Variants in DLG2 observed in about 807,000 individuals in gnomAD.
The protein encoded by DLG2 is discs large MAGUK scaffold protein 2, also known as disks large homolog 2.
A neutral mutation model predicts 132.5 loss-of-function variants in DLG2; 45 were observed. The ratio of observed to expected loss-of-function variants is 0.34; its 90% CI spans 0.27 to 0.44. DLG2 has a LOEUF of 0.44. Ranked by LOEUF, DLG2 falls within the 20% of genes least tolerant of loss-of-function variation. The probability of loss-of-function intolerance (pLI) is 1.00; values close to 1 mark genes in which losing one functional copy is unlikely to be tolerated. For missense variants in DLG2, 1,045 were observed against 1,196.9 expected, an observed-to-expected ratio of 0.87 and a Z score of 1.87; for synonymous variants, 424 against 419.6, an observed-to-expected ratio of 1.01 and a Z score of -0.13.
intron 6 of DLG2, among the ~76,000 whole-genome samples, chr11:84,659,119 T>A (rs534904507): frequency 6.6e-6 from 1 of 152,290 alleles, no homozygotes; most frequent in East Asian, 1.9e-4. Flanking sequence ...GAAAGGAACT[T>A]CTTTCTTTTT....
chr11:85,436,655 G>A (rs924111402), intron 3 of DLG2, among the ~76,000 whole-genome samples: 2 of 151,894 alleles, frequency 1.3e-5, no homozygotes, highest in Non-Finnish European at 2.9e-5. Flanking sequence ...AGGAAACAAC[G>A]GATAATGGTG....
intron 7 of DLG2, among the ~76,000 whole-genome samples, chr11:84,391,553 T>C (rs1042667173): frequency 1.3e-5 from 2 of 152,066 alleles, no homozygotes; most frequent in Non-Finnish European, 2.9e-5. Flanking sequence ...CATAACCTAA[T>C]GAACAATGAA....
chr11:83,855,134 G>A (rs1466240484), intron 16 of DLG2, among the ~76,000 whole-genome samples: 3 of 151,978 alleles, frequency 2.0e-5, no homozygotes, highest in African/African-American at 4.8e-5. Flanking sequence ...ACCACTACAC[G>A]CCCATTGAAA....
intron 19 of DLG2, among the ~76,000 whole-genome samples, chr11:83,588,961 G>A (rs1224891324): frequency 7.4e-5 from 11 of 147,856 alleles, no homozygotes; most frequent in South Asian, 2.2e-4. Flanking sequence ...AAAGAAATGA[G>A]CAAAGCCTCC....
chr11:84,126,772 T>C (rs185423038), intron 9 of DLG2, among the ~76,000 whole-genome samples: 1 of 152,342 alleles, frequency 6.6e-6, no homozygotes, highest in East Asian at 1.9e-4. Context: ...AATTTACAAT[T>C]ATTTTATAAA....
chr11:85,182,305 C>T (rs1056296160), intron 4 of DLG2, among the ~76,000 whole-genome samples: 3 of 151,814 alleles, frequency 2.0e-5, no homozygotes, highest in Admixed American at 6.6e-5. Flanking sequence ...ACCAAGTTGT[C>T]CTTGTGTTCT....
At chr11:84,789,790 A>G (rs1010475456) in intron 6 of DLG2, among the ~76,000 whole-genome samples, 9 of 152,112 alleles carry the variant, frequency 5.9e-5, no homozygotes, top group Non-Finnish European at 1.2e-4. Context: ...CAGTAAGTTC[A>G]ATTGTTTTAA....
intron 16 of DLG2, among the ~76,000 whole-genome samples, chr11:83,863,977 A>G (rs995100879): frequency 6.6e-6 from 1 of 152,202 alleles, no homozygotes; most frequent in African/African-American, 2.4e-5. Context: ...GTTCATAATT[A>G]ATGCTTGACC....
intron 6 of DLG2, among the ~76,000 whole-genome samples, chr11:84,802,727 T>C (rs559073254): frequency 1.3e-5 from 2 of 151,236 alleles, no homozygotes; most frequent in African/African-American, 4.9e-5. Context: ...AGCAGAGGAA[T>C]TGTTCTGTGT....
At chr11:84,835,766 A>G (rs2079673984) in intron 6 of DLG2, among the ~76,000 whole-genome samples, 1 of 151,786 alleles carries the variant, frequency 6.6e-6, no homozygotes, top group Admixed American at 6.6e-5. Flanking sequence ...AAAGGCTATT[A>G]TATTAAATAT....
intron 9 of DLG2, among the ~76,000 whole-genome samples, chr11:84,125,291 T>G (rs1472897271): frequency 6.6e-6 from 1 of 152,112 alleles, no homozygotes; most frequent in Non-Finnish European, 1.5e-5. Flanking sequence ...ATACTACAAA[T>G]CCAACCTCAC....
intron 2 of DLG2, among the ~76,000 whole-genome samples, chr11:85,601,345 CT>C (rs113469585): frequency 9.9e-4 from 144 of 144,796 alleles, no homozygotes; most frequent in Middle Eastern, 3.5e-3. Flanking sequence ...TTGAGTTTAA[CT>C]TTTTTTTTTT....
At chr11:85,301,998 A>G (rs2079614111) in intron 3 of DLG2, among the ~76,000 whole-genome samples, 1 of 152,216 alleles carries the variant, frequency 6.6e-6, no homozygotes, top group Admixed American at 6.5e-5. Flanking sequence ...TACAAATAGT[A>G]TAGTAGCAAC....
intron 18 of DLG2, among the ~76,000 whole-genome samples, chr11:83,727,667 T>C (rs776532323): frequency 6.6e-6 from 1 of 152,190 alleles, no homozygotes; most frequent in Non-Finnish European, 1.5e-5. Flanking sequence ...ATGTAAAATA[T>C]AAAATGGGTG....
At chr11:84,530,018 A>C (rs2099331354) in intron 7 of DLG2, among the ~76,000 whole-genome samples, 1 of 152,184 alleles carries the variant, frequency 6.6e-6, no homozygotes, top group Non-Finnish European at 1.5e-5. Context: ...TCTTCAATAA[A>C]GTGGAAAAAA....
intron 21 of DLG2, among the ~76,000 whole-genome samples, chr11:83,511,087 GACACAC>G (rs60156321): frequency 6.5e-5 from 9 of 138,550 alleles, no homozygotes; most frequent in Admixed American, 7.3e-5. Flanking sequence ...CACACACACA[GACACAC>G]ACACACACAC....
At chr11:84,239,184 T>TTTA (rs1313226205) in intron 8 of DLG2, among the ~76,000 whole-genome samples, 1 of 152,042 alleles carries the variant, frequency 6.6e-6, no homozygotes, top group Admixed American at 6.6e-5. Flanking sequence ...TTTTATCATT[T>TTTA]TTATTATTAT....
chr11:83,689,911 AATAT>A (rs2080556818), intron 18 of DLG2, among the ~76,000 whole-genome samples: 4 of 144,934 alleles, frequency 2.8e-5, no homozygotes, highest in African/African-American at 5.1e-5. Context: ...TATTTATGTA[AATAT>A]TATATATTTA....
chr11:84,354,968 A>G (rs1041672925), intron 7 of DLG2, among the ~76,000 whole-genome samples: 1 of 152,112 alleles, frequency 6.6e-6, no homozygotes, highest in Non-Finnish European at 1.5e-5. Context: ...TTAATAACCA[A>G]TTTTTGAACA....
Sources: gnomAD v4.1 joint callset for allele counts (sites outside exome capture counted in the v4.1 genomes callset) on GRCh38, gnomAD v4.1.1 for gene constraint, MANE v1.5 for transcripts, NCBI Gene and HGNC (gene_info 2026-07-23, HGNC 2026-07-21) for gene names.